Variants in MTHFD1L observed in about 807,000 individuals in gnomAD.
The protein encoded by MTHFD1L is monofunctional C1-tetrahydrofolate synthase, mitochondrial.
In MTHFD1L, 81 loss-of-function variants were observed where a neutral mutation model predicts 119.5. That is an observed-to-expected ratio of 0.68 (90% CI 0.57 to 0.82). MTHFD1L has a LOEUF of 0.82. Ranked by LOEUF, MTHFD1L falls within the 40% of genes least tolerant of loss-of-function variation. MTHFD1L has a pLI of 0.00. For missense variants in MTHFD1L, 1,125 were observed against 1,253.4 expected (o/e 0.90, Z 1.55); for synonymous variants, 430 against 475.2 (o/e 0.90, Z 1.24).
intron 16 of MTHFD1L, among the ~76,000 whole-genome samples, chr6:150,949,940 T>C (rs1262208525): frequency 6.6e-6 from 1 of 152,224 alleles, no homozygotes; most frequent in Non-Finnish European, 1.5e-5. Context: ...CCTGTGCAAC[T>C]GCAGAAATGT....
chr6:151,085,141 C>T lies in MTHFD1L; in HGVS notation c.2848-7326C>T, dbSNP rs191475143. Among the ~76,000 whole-genome samples the T allele has an allele frequency of 4.6e-3, 689 of 151,056 alleles. 3 individuals are homozygous for T. The highest frequency in any genetic ancestry group is 6.2e-3 in the Non-Finnish European group (420 of 67,818). Reference sequence around the variant, plus strand: ...ACATAAAAATTATTTGCAGAGGTTACCTCTGGAAGCAGTATTAGAAGTGGA... The same window carrying T: ...ACATAAAAATTATTTGCAGAGGTTATCTCTGGAAGCAGTATTAGAAGTGGA... On this transcript the variant is annotated intron_variant, in intron 26 of 27. Transcript: ENST00000367321.
intron 19 of MTHFD1L, among the ~76,000 whole-genome samples, chr6:150,967,348 C>A (rs947625611): frequency 6.6e-6 from 1 of 152,226 alleles, no homozygotes; most frequent in South Asian, 2.1e-4. Flanking sequence ...GGGTCCCCCC[C>A]TCCCCAGGCC....
At chr6:150,927,813 C>A (rs1225294642) in intron 11 of MTHFD1L, among the ~76,000 whole-genome samples, 1 of 151,974 alleles carries the variant, frequency 6.6e-6, no homozygotes, top group Non-Finnish European at 1.5e-5. Flanking sequence ...TAGCAAAATG[C>A]CCAGGATGAG....
chr6:151,022,114 G>T, intron 24 of MTHFD1L: 1 of 469,922 alleles, frequency 2.1e-6, no homozygotes, highest in Non-Finnish European at 4.4e-6. Flanking sequence ...CAGCTCTGCT[G>T]ACTTCTGAAC....
chr6:150,988,410 AAAGTTTTTAG>A (rs1307172207), intron 20 of MTHFD1L, among the ~76,000 whole-genome samples: 271 of 148,918 alleles, frequency 1.8e-3, no homozygotes, highest in African/African-American at 6.8e-3. Context: ...AGGTCGTTTT[AAAGTTTTTAG>A]CAACGTTTGG....
chr6:151,100,191 G>A (rs772628866), intron 27 of MTHFD1L, among the ~76,000 whole-genome samples: 7 of 151,790 alleles, frequency 4.6e-5, no homozygotes, highest in African/African-American at 1.2e-4. Context: ...CTGCCACCAC[G>A]CCCAGCTAAT....
At chr6:150,900,139 G>A (rs1237339339) in intron 7 of MTHFD1L, among the ~76,000 whole-genome samples, 1 of 151,894 alleles carries the variant, frequency 6.6e-6, no homozygotes, top group Non-Finnish European at 1.5e-5. Context: ...ACTGTATTAG[G>A]CATGGTTCCT....
At chr6:150,947,784 C>G (rs2128965929) in intron 15 of MTHFD1L, among the ~76,000 whole-genome samples, 1 of 152,258 alleles carries the variant, frequency 6.6e-6, no homozygotes, top group Middle Eastern at 3.4e-3. Context: ...CATAGAGCAG[C>G]CCAAGGAGCC....
chr6:150,883,910 T>TG (rs889192263), intron 5 of MTHFD1L, among the ~76,000 whole-genome samples: 1 of 152,050 alleles, frequency 6.6e-6, no homozygotes, highest in Non-Finnish European at 1.5e-5. Flanking sequence ...AGGGGCTGGA[T>TG]GGGGAGGCTA....
At chr6:151,030,446 C>A (rs553514522) in intron 24 of MTHFD1L, among the ~76,000 whole-genome samples, 1 of 152,222 alleles carries the variant, frequency 6.6e-6, no homozygotes, top group Non-Finnish European at 1.5e-5. Flanking sequence ...ACTTGCCCTG[C>A]GGCTTCTTTC....
At chr6:150,990,799 C>G (rs1778968541) in intron 20 of MTHFD1L, among the ~76,000 whole-genome samples, 1 of 152,026 alleles carries the variant, frequency 6.6e-6, no homozygotes, top group Non-Finnish European at 1.5e-5. Context: ...GGATGGGATA[C>G]TGATTAAATG....
rs180684891 is a variant in MTHFD1L at position 150,893,054 on chromosome 6, T to C, written c.780+5073T>C. Among the ~76,000 whole-genome samples, 721 of 151,816 alleles carry C rather than the reference T, an allele frequency of 4.7e-3. 8 individuals are homozygous for C. Among genetic ancestry groups the C allele is most frequent in the African/African-American group, 0.017 (690 of 41,522 alleles). ...TGAAAAACACTGGAAGTAAAAATTT[T>C]AACAACAGATAGGGATTTTTTTCCC... On this transcript the variant is annotated intron_variant, in intron 7 of 27. Coordinates refer to ENST00000367321, the MANE Select transcript of MTHFD1L (RefSeq NM_015440.5).
In MTHFD1L at chr6:150,926,570, T is replaced by G. The variant is rs1305565339; in HGVS notation, c.1256+275T>G. Among the ~76,000 whole-genome samples, 1 of 152,240 alleles carries G rather than the reference T, an allele frequency of 6.6e-6. No individual in the cohort carries two copies. Among genetic ancestry groups the G allele is most frequent in the Non-Finnish European group, 1.5e-5 (1 of 68,042 alleles). On this transcript the variant is annotated intron_variant, in intron 11 of 27. Transcript: ENST00000367321. This position sits in a 1 kb window ranked among gnomAD's most constrained non-coding sequence, Gnocchi z 4.3. ...TTATTACCCCTGCTCCTCCTTGACT[T>G]TTTGAATTTCATTTTTCATTATAAA...
At chr6:150,874,997 C>T (rs1468651893) in intron 1 of MTHFD1L, among the ~76,000 whole-genome samples, 1 of 151,848 alleles carries the variant, frequency 6.6e-6, no homozygotes, top group Non-Finnish European at 1.5e-5. Flanking sequence ...ATCCACCCGC[C>T]TCAGCTTCCC....
intron 20 of MTHFD1L, among the ~76,000 whole-genome samples, chr6:151,004,250 G>T (rs1296790036): frequency 6.6e-6 from 1 of 152,030 alleles, no homozygotes; most frequent in Non-Finnish European, 1.5e-5. Flanking sequence ...ACTTGAACGT[G>T]GGAGGCGGAG....
intron 19 of MTHFD1L, among the ~76,000 whole-genome samples, chr6:150,969,505 C>T (rs1216267784): frequency 1.6e-5 from 2 of 127,906 alleles, no homozygotes; most frequent in African/African-American, 6.4e-5. Context: ...AGACTGAGAC[C>T]CTGCCTCAAA....
Position 150,956,067 on chromosome 6 carries a change from G to A in MTHFD1L, c.1799G>A (p.Arg600Gln). ...GGAAACACAGAGAAGGGCCATTACC[G>A]GCAGGTAGGTGGTGCTTTCTTCCCG... ...GQGNTEKGHY[R>Q]QAQFDIAVAS... Residue 600 changes from arginine to glutamine, a missense_variant, in exon 17 of 28, where the codon CGG becomes CAG. Physicochemically the swap from Arg to Gln is conservative, Grantham distance 43. This residue lies in a region of MTHFD1L where 1,058 missense variants were observed against 1,151.2 expected (regional missense o/e 0.92). Coordinates refer to ENST00000367321, the MANE Select transcript of MTHFD1L (RefSeq NM_015440.5). The A allele has an allele frequency of 1.2e-6, 2 of 1,613,622 alleles. No individual in the cohort carries two copies. Among genetic ancestry groups the A allele is most frequent in the Admixed American group, 1.7e-5 (1 of 60,016 alleles).
intron 10 of MTHFD1L, among the ~76,000 whole-genome samples, chr6:150,923,509 C>CTTTCTTTATTTATTTATTTA (rs1789367898): frequency 8.5e-6 from 1 of 118,044 alleles, no homozygotes. Flanking sequence ...GTAACTGACA[C>CTTTCTTTATTTATTTATTTA]TTTATTTATT....
chr6:150,884,718 C>T (rs1781935963), intron 5 of MTHFD1L, among the ~76,000 whole-genome samples: 1 of 152,112 alleles, frequency 6.6e-6, no homozygotes, highest in South Asian at 2.1e-4. Flanking sequence ...CTGAGATTGA[C>T]GTGCTCAGTT....
Sources: gnomAD v4.1 joint callset for allele counts (sites outside exome capture counted in the v4.1 genomes callset) on GRCh38, gnomAD v4.1.1 for gene constraint, gnomAD v4.1.1 regional missense constraint, Gnocchi (gnomAD v3.1) non-coding constraint, MANE v1.5 for transcripts, NCBI Gene and HGNC (gene_info 2026-07-23, HGNC 2026-07-21) for gene names.